CLVS1: variants seen among roughly 807,000 people sequenced by gnomAD.
CLVS1 encodes the protein clavesin-1.
In CLVS1, 10 loss-of-function variants were observed where a neutral mutation model predicts 33.1. The observed-to-expected ratio is 0.30, with a 90% CI of 0.19 to 0.51. CLVS1 has a LOEUF of 0.51. CLVS1 is among the 20% of genes least tolerant of loss of function. The pLI is 0.97. For missense variants in CLVS1, 343 were observed against 433.4 expected (o/e 0.79, Z 1.85); for synonymous variants, 163 against 166.1 (o/e 0.98, Z 0.14).
At chr8:61,365,769 G>C (rs917454440) in intron 2 of CLVS1, among the ~76,000 whole-genome samples, 2 of 141,276 alleles carry the variant, frequency 1.4e-5, no homozygotes, top group Non-Finnish European at 3.0e-5. Context: ...GTGTGTGTGT[G>C]TGTGTGCGTG....
chr8:61,402,475 C>A (rs574151026), intron 3 of CLVS1, among the ~76,000 whole-genome samples: 1 of 152,154 alleles, frequency 6.6e-6, no homozygotes, highest in South Asian at 2.1e-4. Flanking sequence ...GGTTCACATA[C>A]AAAACAAGTG....
At chr8:60,971,236 C>T in the CLVS1 span, among the ~76,000 whole-genome samples, 1 of 152,074 alleles carries the variant, frequency 6.6e-6, no homozygotes, top group Non-Finnish European at 1.5e-5. Context: ...ACCACCACAC[C>T]CAGCTAATTT....
chr8:61,221,803 C>CCAT, intron 2 of CLVS1, among the ~76,000 whole-genome samples: 1 of 152,280 alleles, frequency 6.6e-6, no homozygotes, highest in South Asian at 2.1e-4. Flanking sequence ...AGCTGTGAAT[C>CCAT]CATCTAATCC....
chr8:61,478,322 G>T (rs879844757), intron 5 of CLVS1, among the ~76,000 whole-genome samples: 15 of 152,182 alleles, frequency 9.9e-5, no homozygotes, highest in Non-Finnish European at 1.8e-4. Flanking sequence ...TTCTGTAGAT[G>T]TCTATTAGGT....
intron 5 of CLVS1, among the ~76,000 whole-genome samples, chr8:61,473,430 C>T (rs1040641308): frequency 1.3e-5 from 2 of 151,352 alleles, no homozygotes; most frequent in African/African-American, 4.9e-5. Context: ...AGGGGCCCAC[C>T]GTGCAGAGCT....
intron 3 of CLVS1, among the ~76,000 whole-genome samples, chr8:61,410,349 A>G (rs1055458016): frequency 3.9e-5 from 6 of 152,152 alleles, no homozygotes; most frequent in African/African-American, 1.4e-4. Context: ...ATCATATGCC[A>G]TATATACTTG....
chr8:61,291,808 C>A lies in CLVS1; in HGVS notation c.-152+3670C>A, dbSNP rs554644077. On this transcript the variant is annotated intron_variant, in intron 1 of 5. Coordinates refer to ENST00000325897, the MANE Select transcript of CLVS1 (RefSeq NM_173519.3). Reference sequence around the variant, plus strand: ...TGATAAACTATTATGAGTGCCATTGCTCCATAGGTAAAGAACACATTGTGG... The same window carrying A: ...TGATAAACTATTATGAGTGCCATTGATCCATAGGTAAAGAACACATTGTGG... Among the ~76,000 whole-genome samples the A allele has an allele frequency of 2.0e-5, 3 of 152,198 alleles. No homozygotes were observed. In the East Asian group the frequency reaches 5.8e-4, roughly 29 times the overall value.
intron 2 of CLVS1, among the ~76,000 whole-genome samples, chr8:61,343,748 C>T (rs755966431): frequency 3.9e-5 from 6 of 152,108 alleles, no homozygotes; most frequent in Non-Finnish European, 7.4e-5. Context: ...AAAGTGAAAT[C>T]CTCAGGGGAC....
At chr8:61,091,731 A>C (rs977565954) in intron 1 of CLVS1, among the ~76,000 whole-genome samples, 1 of 152,226 alleles carries the variant, frequency 6.6e-6, no homozygotes, top group Non-Finnish European at 1.5e-5. Context: ...CCTACTAAAT[A>C]AAAAACCTCT....
At chr8:61,333,598 T>C (rs761831176) in intron 2 of CLVS1, among the ~76,000 whole-genome samples, 9 of 152,166 alleles carry the variant, frequency 5.9e-5, no homozygotes, top group African/African-American at 2.2e-4. Flanking sequence ...GGAGAGACCA[T>C]TCAAAAGGAT....
chr8:60,970,739 T>G, the CLVS1 span, among the ~76,000 whole-genome samples: 11 of 152,222 alleles, frequency 7.2e-5, no homozygotes, highest in Non-Finnish European at 1.6e-4. Flanking sequence ...CTGTGAACTT[T>G]CATGATGATG....
At chr8:61,118,897 G>A (rs1483849604) in intron 1 of CLVS1, among the ~76,000 whole-genome samples, 4 of 152,256 alleles carry the variant, frequency 2.6e-5, no homozygotes, top group African/African-American at 7.2e-5. Flanking sequence ...TCCGCTTGGT[G>A]CAGAGCTGAG....
intron 2 of CLVS1, chr8:61,301,161 C>G (rs917664549): frequency 6.6e-6 from 1 of 152,188 alleles, no homozygotes; most frequent in African/African-American, 2.4e-5. Flanking sequence ...GCAAAGCTAT[C>G]GAAATAAAGT....
At position 61,186,554 on chromosome 8, in the gene CLVS1, C is replaced by G. The variant is rs148595386; in HGVS notation, c.-152+54694C>G. On this transcript the variant is annotated intron_variant, in intron 2 of 2. Coordinates refer to the CLVS1 transcript ENST00000522621. ...AATCAGGGCCAATCAAACTGCCTTT[C>G]CTCCCATGACCCACCCTTGTGGTTT... 1.9e-3 allele frequency among the ~76,000 whole-genome samples: 295 copies of G among 152,202 alleles called. 1 individual carries two copies. Among genetic ancestry groups the G allele is most frequent in the African/African-American group, 6.6e-3 (276 of 41,524 alleles).
intron 1 of CLVS1, among the ~76,000 whole-genome samples, chr8:61,108,571 A>T (rs1406236883): frequency 6.6e-6 from 1 of 152,222 alleles, no homozygotes; most frequent in African/African-American, 2.4e-5. Flanking sequence ...ATTATTATGT[A>T]ATACTTCCAT....
chr8:61,162,002 A>ACCC (rs1314126561), intron 2 of CLVS1, among the ~76,000 whole-genome samples: 45 of 152,282 alleles, frequency 3.0e-4, no homozygotes, highest in Non-Finnish European at 5.9e-4. Flanking sequence ...ACAAAAAAAA[A>ACCC]AAACGTAGTG....
At chr8:61,239,546 C>T (rs1167420320) in intron 2 of CLVS1, among the ~76,000 whole-genome samples, 1 of 152,092 alleles carries the variant, frequency 6.6e-6, no homozygotes, top group Non-Finnish European at 1.5e-5. Flanking sequence ...CCCACCTGGG[C>T]AACGTGGTAA....
the CLVS1 span, among the ~76,000 whole-genome samples, chr8:60,987,698 C>T: frequency 6.6e-6 from 1 of 152,144 alleles, no homozygotes; most frequent in Non-Finnish European, 1.5e-5. Context: ...GAGCACAGTT[C>T]CTGACACTTC....
intron 5 of CLVS1, among the ~76,000 whole-genome samples, chr8:61,498,155 G>C (rs778677825): frequency 2.0e-5 from 3 of 152,150 alleles, no homozygotes; most frequent in Non-Finnish European, 4.4e-5. Context: ...GAGTTGCTCT[G>C]GTTCAAGCAC....
Sources: allele counts gnomAD v4.1 joint callset (sites outside exome capture counted in the v4.1 genomes callset), GRCh38; gene constraint gnomAD v4.1.1; transcripts MANE v1.5; gene names NCBI Gene and HGNC (gene_info 2026-07-23, HGNC 2026-07-21).